Variants in PCDHGA3 observed in about 807,000 individuals in gnomAD.
PCDHGA3 encodes protocadherin gamma-A3.
Under a neutral mutation model 58.5 loss-of-function variants are expected in PCDHGA3, and 40 were observed. That is an observed-to-expected ratio of 0.68 (90% CI 0.53 to 0.89). The LOEUF (loss-of-function observed/expected upper bound fraction) is 0.89. PCDHGA3 is among the 40% of genes least tolerant of loss of function. PCDHGA3 has a pLI of 0.00. For missense variants in PCDHGA3, 1,223 were observed against 1,195.9 expected (o/e 1.02, Z -0.33); for synonymous variants, 530 against 525.7 (o/e 1.01, Z -0.11).
At chr5:141,449,101 G>T (rs1020443363) in intron 1 of PCDHGA3, among the ~76,000 whole-genome samples, 3 of 152,144 alleles carry the variant, frequency 2.0e-5, no homozygotes, top group Non-Finnish European at 4.4e-5. Flanking sequence ...TACATATGCA[G>T]TATATCTTTG....
At chr5:141,383,356 C>A (rs1046340065) in intron 1 of PCDHGA3, 1 of 1,613,884 alleles carries the variant, frequency 6.2e-7, no homozygotes, top group Non-Finnish European at 8.5e-7. Context: ...GGTTCGGTTT[C>A]CGTTAAGCGA....
At chr5:141,482,442 C>A (rs942933015) in intron 1 of PCDHGA3, among the ~76,000 whole-genome samples, 23 of 147,678 alleles carry the variant, frequency 1.6e-4, no homozygotes, top group African/African-American at 5.6e-4. Context: ...CTGATATTCA[C>A]CATTTATTAG....
Position 141,344,263 on chromosome 5 carries a change from T to A in PCDHGA3, c.230T>A (p.Leu77Gln), listed in dbSNP as rs370212057. ...AGAGGTAGGACGCAGCTTTTCTCTC[T>A]GAATCCGCAAAGCGGCAGCTTGGTC... ...VSRGRTQLFSLNPQSGSLVTA... is the reference protein window; with the variant it reads ...VSRGRTQLFSQNPQSGSLVTA... The change falls in exon 1 of 4, where the codon CTG (leucine) becomes CAG (glutamine). Residue 77 changes from leucine (L) to glutamine (Q), a missense_variant. By Grantham distance (113) the Leu-to-Gln change is moderately radical. Around this residue, in one of 3 missense-constraint regions of PCDHGA3, gnomAD observed 791 missense variants for 708.5 expected, o/e 1.12. Coordinates refer to ENST00000253812, the MANE Select transcript of PCDHGA3 (RefSeq NM_018916.4). The A allele has an allele frequency of 6.2e-7, 1 of 1,614,066 alleles. No homozygotes were observed. The highest frequency in any genetic ancestry group is 1.1e-5 in the South Asian group (1 of 91,088).
intron 1 of PCDHGA3, chr5:141,351,598 T>A: frequency 1.2e-6 from 2 of 1,614,046 alleles, no homozygotes; most frequent in Non-Finnish European, 8.5e-7. Context: ...ACAATGCACC[T>A]GTTTTCCATC....
rs768367034 is a variant in PCDHGA3 at position 141,360,834 on chromosome 5, G to A, written c.2424+14377G>A. On this transcript the variant is annotated intron_variant, in intron 1 of 3. Transcript: ENST00000253812. ...CGACCCAAATCCGAATCAAAGTCAC[G>A]GATGCCAACGATAACCCTCCAGTGT... 5 of 1,613,800 alleles carry A rather than the reference G, an allele frequency of 3.1e-6. No individual in the cohort carries two copies. The African/African-American group carries it at 6.7e-5, about 22-fold the overall frequency.
At chr5:141,427,416 G>T (rs1457696807) in intron 1 of PCDHGA3, 2 of 466,124 alleles carry the variant, frequency 4.3e-6, no homozygotes, top group South Asian at 3.1e-5. Flanking sequence ...GAGAGAAAAT[G>T]GGGAGGTTAC....
At chr5:141,373,905 A>G (rs947607007) in intron 1 of PCDHGA3, 1 of 603,766 alleles carries the variant, frequency 1.7e-6, no homozygotes, top group Non-Finnish European at 2.7e-6. Context: ...TACATCCTCC[A>G]ACAACAAAGC....
intron 1 of PCDHGA3, chr5:141,382,815 C>T (rs1166972077): frequency 5.6e-6 from 7 of 1,260,548 alleles, no homozygotes; most frequent in Non-Finnish European, 7.7e-6. Flanking sequence ...GCTCCCCTTC[C>T]TAAGACAGAG....
At chr5:141,428,437 C>A in intron 1 of PCDHGA3, 1 of 400,386 alleles carries the variant, frequency 2.5e-6, no homozygotes, top group South Asian at 2.4e-5. Flanking sequence ...TAAGACTAGA[C>A]CAGGGGTTTT....
intron 1 of PCDHGA3, chr5:141,440,191 A>G (rs1239698049): frequency 1.3e-5 from 2 of 152,376 alleles, no homozygotes; most frequent in African/African-American, 4.8e-5. Context: ...GTTGAAGGCC[A>G]GGCATGGTGG....
chr5:141,457,441 G>A (rs941085406), intron 1 of PCDHGA3, among the ~76,000 whole-genome samples: 1 of 152,134 alleles, frequency 6.6e-6, no homozygotes, highest in African/African-American at 2.4e-5. Flanking sequence ...CCAAGCTGCA[G>A]AAGATCACCA....
chr5:141,403,791 A>C (rs1265792011), intron 1 of PCDHGA3: 4 of 1,613,782 alleles, frequency 2.5e-6, no homozygotes, highest in Non-Finnish European at 3.4e-6. Flanking sequence ...GTGGCATACA[A>C]ATTCTGGAAA....
Position 141,477,833 on chromosome 5 carries a change from G to C in PCDHGA3, c.2425-16974G>C. Reference sequence around the variant, plus strand: ...CCCCCAGGTCCTATATCCTCGGCCAGGTGGGAGCTCGGTGGAGATGCTGCC... The same window carrying C: ...CCCCCAGGTCCTATATCCTCGGCCACGTGGGAGCTCGGTGGAGATGCTGCC... On this transcript the variant is annotated intron_variant, in intron 1 of 3. Transcript: ENST00000253812. This position sits in a 1 kb window ranked among gnomAD's most constrained non-coding sequence, Gnocchi z 4.9. The C allele has an allele frequency of 6.2e-7, 1 of 1,614,174 alleles. No individual in the cohort carries two copies.
chr5:141,371,092 C>A, intron 1 of PCDHGA3: 1 of 1,613,802 alleles, frequency 6.2e-7, no homozygotes, highest in Non-Finnish European at 8.5e-7. Context: ...GTAATTGTCG[C>A]AGATGCAAAT....
intron 1 of PCDHGA3, chr5:141,360,795 A>T (rs755316172): frequency 6.2e-6 from 10 of 1,613,818 alleles, no homozygotes; most frequent in South Asian, 4.4e-5. Context: ...GCGGAGACCC[A>T]CCTCAAAGTG....
chr5:141,356,817 C>A (rs553662641), intron 1 of PCDHGA3: 16 of 1,613,926 alleles, frequency 9.9e-6, no homozygotes, highest in Middle Eastern at 1.6e-4. Flanking sequence ...ACAGTGGAGA[C>A]CCTCCACTCA....
chr5:141,433,358 C>CGTAT, intron 1 of PCDHGA3: 1 of 503,368 alleles, frequency 2.0e-6, no homozygotes, highest in Non-Finnish European at 3.5e-6. Context: ...CTACTGTCTG[C>CGTAT]CTATCTATCT....
chr5:141,481,794 A>G (rs1433830305), intron 1 of PCDHGA3, among the ~76,000 whole-genome samples: 1 of 152,136 alleles, frequency 6.6e-6, no homozygotes, highest in Non-Finnish European at 1.5e-5. Context: ...TCTACTAAAA[A>G]TACAAAAATT....
chr5:141,484,096 G>A (rs539388257), intron 1 of PCDHGA3, among the ~76,000 whole-genome samples: 1 of 152,126 alleles, frequency 6.6e-6, no homozygotes, highest in South Asian at 2.1e-4. Flanking sequence ...GTCTTCGTTG[G>A]TAATTAACAA....
Sources: allele counts gnomAD v4.1 joint callset (sites outside exome capture counted in the v4.1 genomes callset), GRCh38; gene constraint gnomAD v4.1.1; regional missense constraint gnomAD v4.1.1; non-coding constraint Gnocchi (gnomAD v3.1); transcripts MANE v1.5; gene names NCBI Gene and HGNC (gene_info 2026-07-23, HGNC 2026-07-21).